The following COL6A1 variants were observed in gnomAD, a reference collection of about 807,000 sequenced individuals.
COL6A1 encodes collagen alpha-1(VI) chain.
A neutral mutation model predicts 145.6 loss-of-function variants in COL6A1; 80 were observed. That is an observed-to-expected ratio of 0.55 (90% confidence interval 0.46 to 0.66). The LOEUF (loss-of-function observed/expected upper bound fraction) is 0.66. COL6A1 is among the 30% of genes least tolerant of loss of function. The pLI is 0.00. For synonymous variants in COL6A1, 638 were observed against 622.8 expected (o/e 1.02, Z -0.36); for missense variants, 1,364 against 1,473.8 (o/e 0.93, Z 1.22).
chr21:45,992,951 C>T, intron 19 of COL6A1, 141 bp downstream of exon 19: 2 of 717,186 alleles, frequency 2.8e-6, no homozygotes, highest in Non-Finnish European at 4.7e-6. Flanking sequence ...CCCACGCCGT[C>T]AGGGAGGGCA....
chr21:45,987,671 G>T lies in COL6A1; in HGVS notation c.804+17G>T. The stretch of plus-strand genomic sequence containing the variant: ...GGCTTTGAGGTGAGTGGTGACTCCT[G>T]CTCCTCCCATGTGTTGTGGGGCCTG... On this transcript the variant is annotated intron_variant, in intron 8 of 34. Transcript: ENST00000361866. 6.2e-7 allele frequency: 1 copy of T among 1,605,634 alleles called. No individual in the cohort carries two copies.
At chr21:45,983,085 A>C (rs2077717578) in intron 2 of COL6A1, among the ~76,000 whole-genome samples, 1 of 152,086 alleles carries the variant, frequency 6.6e-6, no homozygotes, top group Non-Finnish European at 1.5e-5. Context: ...CCGCAGGCTG[A>C]CCGAGAGGGC....
intron 26 of COL6A1, 88 bp from the exon 27 acceptor site, chr21:45,999,569 C>A: frequency 7.0e-7 from 1 of 1,428,200 alleles, no homozygotes; most frequent in Non-Finnish European, 9.7e-7. Flanking sequence ...TGATGAGGGG[C>A]AGGGCCCTGG....
chr21:45,990,461 G>GA, intron 13 of COL6A1, 39 bp downstream of exon 13: 1 of 1,149,108 alleles, frequency 8.7e-7, no homozygotes, highest in Non-Finnish European at 1.2e-6. Context: ...GAGGGACGAG[G>GA]AGGAATGGGG....
chr21:46,001,816 C>T, intron 30 of COL6A1, 145 bp from the exon 31 acceptor site: 1 of 714,620 alleles, frequency 1.4e-6, no homozygotes, highest in Non-Finnish European at 2.4e-6. Context: ...TCTGTGCACC[C>T]AGAGCCAATC....
chr21:45,994,355 T>G lies in COL6A1; in HGVS notation c.1398+126T>G. On this transcript the variant is annotated intron_variant, in intron 20 of 34. Coordinates refer to ENST00000361866, the MANE Select transcript of COL6A1 (RefSeq NM_001848.3). The surrounding 1 kb of genome is among the most constrained non-coding windows in gnomAD (Gnocchi z 6.8). ...GAGGGCCTCTGTGTTTCCGTAGATCTCGGGGGTGTCCCTGCGTGGGAGCCG... is the reference window on the plus strand; with the variant it reads ...GAGGGCCTCTGTGTTTCCGTAGATCGCGGGGGTGTCCCTGCGTGGGAGCCG... 4 of 963,814 alleles carry G rather than the reference T, an allele frequency of 4.2e-6. No individual in the cohort carries two copies. The highest frequency in any genetic ancestry group is 6.4e-6 in the Non-Finnish European group (4 of 624,902). 59.7% of individuals were successfully genotyped at this position (963,814 alleles called of 1,614,324 possible). A position where few individuals can be genotyped will look rare whatever the true frequency, so the allele number is the denominator to read the frequency against.
At position 45,990,300 on chromosome 21, in the gene COL6A1, T is replaced by C; in HGVS notation, c.957+16T>C. The C allele has an allele frequency of 6.2e-7, 1 of 1,612,516 alleles. No individual in the cohort carries two copies. On this transcript the variant is annotated intron_variant, in intron 12 of 34. Transcript: ENST00000361866. ...GGGCTACAAGGTGAGCGTGGGCTGC[T>C]GGGAGGGGGGAGTTCTGCCCCCACG...
chr21:45,990,393 C>T lies in COL6A1; in HGVS notation c.973C>T (p.Arg325Cys), dbSNP rs764704372. The change falls in exon 13 of 35, where the codon CGT becomes TGT. Residue 325 changes from arginine to cysteine, a missense_variant. Arg to Cys is a radical substitution (Grantham distance 180). This residue lies in a region of COL6A1 where 12 missense variants were observed against 32.3 expected (regional missense o/e 0.37). Transcript: ENST00000361866. ...CGCCTCACAGGGAGAGAAGGGCAAGCGTGGCATCGACGGGGTGGACGGCGT... is the reference window on the plus strand; with the variant it reads ...CGCCTCACAGGGAGAGAAGGGCAAGTGTGGCATCGACGGGGTGGACGGCGT... Reference protein sequence around the residue: ...PKGYKGEKGKRGIDGVDGVKG... With the variant: ...PKGYKGEKGKCGIDGVDGVKG... 11 of 1,264,068 alleles carry T rather than the reference C, an allele frequency of 8.7e-6. No individual in the cohort carries two copies. The highest frequency in any genetic ancestry group is 2.6e-5 in the South Asian group (2 of 77,620). The allele number at this position is 1,264,068 out of a possible 1,614,324, so 78.3% of individuals were successfully genotyped here. A position where few individuals can be genotyped will look rare whatever the true frequency, so the allele number is the denominator to read the frequency against.
At position 45,994,200 on chromosome 21, in the gene COL6A1, G is replaced by T; in HGVS notation, c.1369G>T (p.Glu457Ter). 1 of 1,609,332 alleles carries T rather than the reference G, an allele frequency of 6.2e-7. No individual in the cohort carries two copies. Among genetic ancestry groups the T allele is most frequent in the Non-Finnish European group, 8.5e-7 (1 of 1,178,430 alleles). ...EAGPQGDQGR[E>*]GPVGVPGDPG... is the part of the protein sequence containing the mutation. ...TGGCCCGCAGGGTGATCAGGGAAGA[G>T]AAGGCCCCGTTGGTGTCCCTGGAGA... Residue 457 changes from glutamate to a stop codon, truncating the protein, a stop_gained, in exon 20 of 35, where the codon GAA (glutamate) becomes TAA (stop). Transcript: ENST00000361866. LOFTEE classifies it high-confidence loss of function. The surrounding 1 kb of genome is among the most constrained non-coding windows in gnomAD (Gnocchi z 6.8).
chr21:45,981,794 G>A lies in COL6A1; in HGVS notation c.-57G>A. 7.4e-7 allele frequency: 1 copy of A among 1,355,316 alleles called. No homozygotes were observed. The highest frequency in any genetic ancestry group is 1.0e-6 in the Non-Finnish European group (1 of 986,264). 84.0% of individuals were successfully genotyped at this position (1,355,316 alleles called of 1,614,324 possible). ...CAGAAGGCAGCCTCGGTCTCTGGGC[G>A]GCGGCGGCGGCCCACTCTGCCCTGG... is the stretch of plus-strand genomic sequence containing the variant. On this transcript the variant is annotated 5_prime_UTR_variant, in exon 1 of 35. Transcript: ENST00000361866.
At chr21:46,003,014 G>A (rs1448511298) in intron 33 of COL6A1, 106 bp from the exon 34 acceptor site, 50 of 1,538,244 alleles carry the variant, frequency 3.3e-5, no homozygotes, top group African/African-American at 8.2e-5. Context: ...TGTGACTTCC[G>A]GGGGCACGGC....
intron 34 of COL6A1, 31 bp downstream of exon 34, chr21:46,003,180 G>T (rs746900447): frequency 8.1e-6 from 13 of 1,613,982 alleles, no homozygotes; most frequent in Non-Finnish European, 1.1e-5. Context: ...GACACGTGGG[G>T]AGGAGGGCAC....
In COL6A1 at chr21:45,994,853, C is replaced by CGTGT; in HGVS notation, c.1398+625_1398+626insTGTG. 6.6e-6 allele frequency among the ~76,000 whole-genome samples: 1 copy of CGTGT among 152,290 alleles called. No individual in the cohort carries two copies. The highest frequency in any genetic ancestry group is 1.9e-4 in the East Asian group (1 of 5,174). On this transcript the variant is annotated intron_variant, in intron 20 of 34. Transcript: ENST00000361866. The surrounding 1 kb of genome is among the most constrained non-coding windows in gnomAD (Gnocchi z 6.8). ...ATCCTCCCGGAGCTCACCTGCCCCA[C>CGTGT]GGGGACAGGAAGGCCTCCACACGGT... is the stretch of plus-strand genomic sequence containing the variant.
chr21:45,998,005 C>A, intron 22 of COL6A1, 116 bp from the exon 23 acceptor site: 2 of 1,361,420 alleles, frequency 1.5e-6, no homozygotes, highest in Non-Finnish European at 2.0e-6. Flanking sequence ...GGGGAGGGAG[C>A]CGGCTTCTGG....
rs1424767227 is a variant in COL6A1 at position 45,994,506 on chromosome 21, G to A, written c.1398+277G>A. Among the ~76,000 whole-genome samples, 3 of 152,106 alleles carry A rather than the reference G, an allele frequency of 2.0e-5. No individual in the cohort carries two copies. The highest frequency in any genetic ancestry group is 3.9e-4 in the East Asian group (2 of 5,170). Reference sequence around the variant, plus strand: ...AGAAGCGCTGTCTGGGGGCCCATCCGGGGCAAGGGTGCCTCACAGTGAGGA... The same window carrying A: ...AGAAGCGCTGTCTGGGGGCCCATCCAGGGCAAGGGTGCCTCACAGTGAGGA... On this transcript the variant is annotated intron_variant, in intron 20 of 34. Coordinates refer to ENST00000361866, the MANE Select transcript of COL6A1 (RefSeq NM_001848.3). This position sits in a 1 kb window ranked among gnomAD's most constrained non-coding sequence, Gnocchi z 6.8.
chr21:45,995,141 A>T (rs1345066646), intron 20 of COL6A1, among the ~76,000 whole-genome samples: 1 of 152,218 alleles, frequency 6.6e-6, no homozygotes, highest in Non-Finnish European at 1.5e-5. Flanking sequence ...CACAGCTGTT[A>T]AAAATACCTG....
intron 2 of COL6A1, among the ~76,000 whole-genome samples, chr21:45,983,877 C>T (rs1024525922): frequency 6.6e-6 from 1 of 152,130 alleles, no homozygotes; most frequent in African/African-American, 2.4e-5. Context: ...GAGGTGGGCC[C>T]ACCCCAGGCT....
intron 9 of COL6A1, among the ~76,000 whole-genome samples, chr21:45,989,398 C>T (rs2077760784): frequency 6.6e-6 from 1 of 152,214 alleles, no homozygotes; most frequent in African/African-American, 2.4e-5. Context: ...GTCCGGGGCC[C>T]CTGCCGTGGC....
At position 46,002,285 on chromosome 21, in the gene COL6A1, G is replaced by A; in HGVS notation, c.2134G>A (p.Asp712Asn). The A allele has an allele frequency of 6.3e-7, 1 of 1,596,602 alleles. No individual in the cohort carries two copies. The highest frequency in any genetic ancestry group is 8.5e-7 in the Non-Finnish European group (1 of 1,174,144). ...FTGEALQYTR[D>N]QLLPPSPNNR... ...GGGGGAGGCCCTGCAGTACACGCGG[G>A]ACCAGCTGCTGCCGCCCAGCCCGAA... is the stretch of plus-strand genomic sequence containing the variant. The change falls in exon 32 of 35, where the codon GAC (aspartate) becomes AAC (asparagine). Residue 712 changes from aspartate (D) to asparagine (N), a missense_variant. Physicochemically the swap from Asp to Asn is conservative, Grantham distance 23. Around this residue, in one of 3 missense-constraint regions of COL6A1, gnomAD observed 938 missense variants for 1,003.8 expected, o/e 0.93. Coordinates refer to ENST00000361866, the MANE Select transcript of COL6A1 (RefSeq NM_001848.3).
Sources: gnomAD v4.1 joint callset for allele counts (sites outside exome capture counted in the v4.1 genomes callset) on GRCh38, gnomAD v4.1.1 for gene constraint, gnomAD v4.1.1 regional missense constraint, Gnocchi (gnomAD v3.1) non-coding constraint, MANE v1.5 for transcripts, NCBI Gene and HGNC (gene_info 2026-07-23, HGNC 2026-07-21) for gene names.